The following SKI variants were observed in gnomAD, a reference collection of about 807,000 sequenced individuals.
SKI encodes the protein ski oncogene.
SKI carries 23 observed loss-of-function variants against 59.3 expected under a neutral mutation model. The ratio of observed to expected loss-of-function variants is 0.39; its 90% CI spans 0.28 to 0.55. The LOEUF is 0.55. Among genes scored for constraint, SKI ranks in the 20% least tolerant of loss-of-function variants. SKI has a pLI of 0.67. For synonymous variants in SKI, 673 were observed against 488.6 expected (o/e 1.38, Z -4.98); for missense variants, 1,017 against 1,038.9 (o/e 0.98, Z 0.29).
chr1:2,257,508 G>A (rs1319203764), intron 1 of SKI, among the ~76,000 whole-genome samples: 4 of 152,234 alleles, frequency 2.6e-5, no homozygotes, highest in African/African-American at 4.8e-5. Context: ...GCCCCCAGCC[G>A]CCTCCTCCCA....
At chr1:2,252,065 G>T (rs755520318) in intron 1 of SKI, among the ~76,000 whole-genome samples, 20 of 152,156 alleles carry the variant, frequency 1.3e-4, no homozygotes, top group Non-Finnish European at 2.2e-4. Flanking sequence ...GAGGCCTCTC[G>T]GGGTTTCCTG....
At chr1:2,243,771 C>G (rs535981166) in intron 1 of SKI, among the ~76,000 whole-genome samples, 2 of 152,290 alleles carry the variant, frequency 1.3e-5, no homozygotes, top group East Asian at 3.9e-4. Context: ...GGGAGGCACA[C>G]TGTCTGCCAG....
intron 1 of SKI, among the ~76,000 whole-genome samples, chr1:2,266,934 C>T (rs1017416945): frequency 6.6e-6 from 1 of 152,116 alleles, no homozygotes; most frequent in African/African-American, 2.4e-5. Context: ...TCAGGGTGGC[C>T]TCTGCTTCAG....
chr1:2,234,681 C>T (rs1245957831), intron 1 of SKI, among the ~76,000 whole-genome samples: 2 of 152,194 alleles, frequency 1.3e-5, no homozygotes, highest in African/African-American at 2.4e-5. Context: ...CGGCCCGGCT[C>T]TCTGTGGCAA....
chr1:2,299,151 C>T (rs1310778623), intron 1 of SKI, among the ~76,000 whole-genome samples: 2 of 152,228 alleles, frequency 1.3e-5, no homozygotes, highest in Non-Finnish European at 2.9e-5. Flanking sequence ...GCCAGCAGGG[C>T]GGGGATGCGG....
intron 1 of SKI, among the ~76,000 whole-genome samples, chr1:2,236,607 A>G (rs918039813): frequency 3.3e-5 from 5 of 152,054 alleles, no homozygotes; most frequent in Non-Finnish European, 5.9e-5. Context: ...GGGTTTTACC[A>G]TGTTGGCCAG....
chr1:2,305,680 C>T (rs982421349), intron 5 of SKI, among the ~76,000 whole-genome samples: 2 of 152,306 alleles, frequency 1.3e-5, no homozygotes, highest in Admixed American at 1.3e-4. Context: ...GGCTGCCCTC[C>T]TCACATTGAT....
chr1:2,276,455 C>T (rs1203871980), intron 1 of SKI, among the ~76,000 whole-genome samples: 5 of 152,240 alleles, frequency 3.3e-5, no homozygotes, highest in Non-Finnish European at 7.3e-5. Context: ...GGGCCACCTG[C>T]TTCTGTGGCC....
At chr1:2,252,815 C>T (rs1248830547) in intron 1 of SKI, among the ~76,000 whole-genome samples, 2 of 152,104 alleles carry the variant, frequency 1.3e-5, no homozygotes, top group African/African-American at 4.8e-5. Flanking sequence ...GGAAGTGAGG[C>T]CAGGCGCGGT....
intron 1 of SKI, among the ~76,000 whole-genome samples, chr1:2,272,913 C>A (rs1048516666): frequency 8.5e-5 from 13 of 152,150 alleles, no homozygotes; most frequent in Non-Finnish European, 1.5e-5. Context: ...TTCTTCCAGG[C>A]GGAGGGGGAG....
Position 2,228,775 on chromosome 1 carries a change from G to C in SKI, c.9G>C (p.Ala3=), listed in dbSNP as rs962256287. Residue 3 remains alanine, a synonymous_variant, in exon 1 of 7, where the codon GCG becomes GCC. Transcript: ENST00000378536. ME[A]AAGGRGCFQP... Reference sequence around the variant, plus strand: ...GGGAGCCGGAGCGCACCATGGAGGCGGCGGCAGGCGGCCGCGGCTGTTTCC... The same window carrying C: ...GGGAGCCGGAGCGCACCATGGAGGCCGCGGCAGGCGGCCGCGGCTGTTTCC... 13 of 1,280,444 alleles carry C rather than the reference G, an allele frequency of 1.0e-5. No individual in the cohort carries two copies. In the African/African-American group the frequency reaches 2.0e-4, roughly 20 times the overall value. 79.3% of individuals were successfully genotyped at this position (1,280,444 alleles called of 1,614,324 possible).
Position 2,303,947 on chromosome 1 carries a change from C to T in SKI, c.1319C>T (p.Ser440Phe), listed in dbSNP as rs972347914. The part of the protein sequence containing the change: ...VSSPPCAAAV[S>F]RAPEPLATCT... ...AGCCCTCCGTGTGCCGCCGCCGTCTCCCGGGCCCCCGAGCCTCTCGCCACT... is the reference window on the plus strand; with the variant it reads ...AGCCCTCCGTGTGCCGCCGCCGTCTTCCGGGCCCCCGAGCCTCTCGCCACT... Residue 440 changes from serine to phenylalanine, a missense_variant, in exon 4 of 7, where the codon TCC becomes TTC. By Grantham distance (155) the Ser-to-Phe change is radical (BLOSUM62 -2). Coordinates refer to ENST00000378536, the MANE Select transcript of SKI (RefSeq NM_003036.4). The surrounding 1 kb of genome is among the most constrained non-coding windows in gnomAD (Gnocchi z 5.6). The T allele has an allele frequency of 6.2e-7, 1 of 1,611,786 alleles. No individual in the cohort carries two copies. Among genetic ancestry groups the T allele is most frequent in the Non-Finnish European group, 8.5e-7 (1 of 1,179,594 alleles).
rs1640524207 is a variant in SKI, at chr1:2,304,709, C to T, written c.1767+124C>T. 7 of 1,418,364 alleles carry T rather than the reference C, an allele frequency of 4.9e-6. No individual in the cohort carries two copies. The Admixed American group carries it at 1.4e-4, about 28-fold the overall frequency. 87.9% of individuals were successfully genotyped at this position (1,418,364 alleles called of 1,614,324 possible). A position where few individuals can be genotyped will look rare whatever the true frequency, so the allele number is the denominator to read the frequency against. On this transcript the variant is annotated intron_variant, in intron 5 of 6. Coordinates refer to ENST00000378536, the MANE Select transcript of SKI (RefSeq NM_003036.4). ...CTGCCCCATGCGCTCCTCTCTGCCTCCACCTCAGTGGGCCTGCCTGGGACC... is the reference window on the plus strand; with the variant it reads ...CTGCCCCATGCGCTCCTCTCTGCCTTCACCTCAGTGGGCCTGCCTGGGACC...
chr1:2,240,668 T>G (rs1557814249), intron 1 of SKI: 1 of 985,300 alleles, frequency 1.0e-6, no homozygotes, highest in Non-Finnish European at 1.2e-6. Context: ...TTCTTCGAAG[T>G]GAAGCTCTCT....
At chr1:2,302,839 A>C in intron 1 of SKI, 139 bp from the exon 2 acceptor site, 1 of 1,179,784 alleles carries the variant, frequency 8.5e-7, no homozygotes, top group Non-Finnish European at 1.3e-6. Flanking sequence ...GGTGCCCTGG[A>C]ATCTGCCTTC....
chr1:2,279,394 C>G (rs192763675), intron 1 of SKI, among the ~76,000 whole-genome samples: 291 of 152,328 alleles, frequency 1.9e-3, no homozygotes, highest in African/African-American at 6.7e-3. Context: ...CCTTCCTGGC[C>G]CTGCTCTCCA....
At chr1:2,248,973 G>A (rs1639059538) in intron 1 of SKI, among the ~76,000 whole-genome samples, 1 of 152,250 alleles carries the variant, frequency 6.6e-6, no homozygotes, top group African/African-American at 2.4e-5. Context: ...TCTGGGCGCT[G>A]GCACGGGGAC....
At chr1:2,280,453 C>T (rs1403375585) in intron 1 of SKI, among the ~76,000 whole-genome samples, 1 of 152,010 alleles carries the variant, frequency 6.6e-6, no homozygotes, top group African/African-American at 2.4e-5. Context: ...AAGGCCTGGT[C>T]TGCTGTAAGT....
chr1:2,257,919 G>A (rs147617857), intron 1 of SKI, among the ~76,000 whole-genome samples: 2 of 152,100 alleles, frequency 1.3e-5, no homozygotes, highest in African/African-American at 2.4e-5. Context: ...TGTAGTTTTA[G>A]TAGAGATGGG....
Sources: allele counts gnomAD v4.1 joint callset (sites outside exome capture counted in the v4.1 genomes callset), GRCh38; gene constraint gnomAD v4.1.1; non-coding constraint Gnocchi (gnomAD v3.1); transcripts MANE v1.5; gene names NCBI Gene and HGNC (gene_info 2026-07-23, HGNC 2026-07-21).